KCNB2: variants seen among roughly 807,000 people sequenced by gnomAD.
KCNB2 encodes delayed rectifier potassium channel protein.
In KCNB2, 15 loss-of-function variants were observed where a neutral mutation model predicts 61.5. That is an observed-to-expected ratio of 0.24 (90% CI 0.16 to 0.38). The LOEUF is 0.38. Ranked by LOEUF, KCNB2 falls within the 10% of genes least tolerant of loss-of-function variation. KCNB2 has a pLI of 1.00. For missense variants in KCNB2, 828 were observed against 1,125.2 expected (o/e 0.74, Z 3.78); for synonymous variants, 457 against 446.0 (o/e 1.02, Z -0.31).
At chr8:72,852,094 A>C (rs1210137810) in intron 2 of KCNB2, among the ~76,000 whole-genome samples, 4 of 151,810 alleles carry the variant, frequency 2.6e-5, no homozygotes, top group Admixed American at 2.6e-4. Flanking sequence ...AATAAAAAAT[A>C]AAAAATTCAG....
intron 2 of KCNB2, among the ~76,000 whole-genome samples, chr8:72,730,110 C>T (rs985864582): frequency 4.6e-5 from 7 of 152,002 alleles, no homozygotes; most frequent in Admixed American, 4.6e-4. Flanking sequence ...CATAGGAAGC[C>T]CCCAATTCTG....
chr8:72,718,750 A>T (rs572756249), intron 2 of KCNB2, among the ~76,000 whole-genome samples: 1 of 152,064 alleles, frequency 6.6e-6, no homozygotes, highest in East Asian at 1.9e-4. Flanking sequence ...CCAACATGGC[A>T]CATATATACA....
At chr8:72,786,228 A>G (rs1372725009) in intron 2 of KCNB2, among the ~76,000 whole-genome samples, 1 of 152,082 alleles carries the variant, frequency 6.6e-6, no homozygotes, top group Non-Finnish European at 1.5e-5. Flanking sequence ...ATGTGCACTC[A>G]TTTCTGATGA....
chr8:72,611,312 A>G (rs1254138403), intron 2 of KCNB2, among the ~76,000 whole-genome samples: 1 of 152,200 alleles, frequency 6.6e-6, no homozygotes, highest in Admixed American at 6.6e-5. Flanking sequence ...AGTCTTTTGT[A>G]ATAAAAATTA....
At chr8:72,557,886 T>C (rs1482738543) in intron 1 of KCNB2, among the ~76,000 whole-genome samples, 1 of 152,212 alleles carries the variant, frequency 6.6e-6, no homozygotes, top group African/African-American at 2.4e-5. Context: ...ATCCAGCTCT[T>C]ACTTTTAACA....
intron 2 of KCNB2, among the ~76,000 whole-genome samples, chr8:72,709,691 C>T (rs73309817): frequency 0.024 from 3,717 of 152,116 alleles, 64 homozygotes; most frequent in South Asian, 0.075. Flanking sequence ...CCCCGCTGAT[C>T]CAGTCACCTC....
chr8:72,747,499 G>A (rs997417848), intron 2 of KCNB2, among the ~76,000 whole-genome samples: 1 of 152,088 alleles, frequency 6.6e-6, no homozygotes, highest in Non-Finnish European at 1.5e-5. Flanking sequence ...GTCCTTCCAG[G>A]TCAGCAAGGT....
chr8:72,896,679 T>C (rs1336133320), intron 2 of KCNB2, among the ~76,000 whole-genome samples: 2 of 152,118 alleles, frequency 1.3e-5, no homozygotes, highest in Non-Finnish European at 2.9e-5. Flanking sequence ...ATCCAGAAGA[T>C]ATTTCAAAAA....
intron 2 of KCNB2, among the ~76,000 whole-genome samples, chr8:72,918,856 T>C (rs1378758495): frequency 6.6e-6 from 1 of 152,106 alleles, no homozygotes; most frequent in Non-Finnish European, 1.5e-5. Flanking sequence ...CTCTGCCTGT[T>C]TTAGGAGGTC....
At chr8:72,719,498 A>G (rs1807510749) in intron 2 of KCNB2, among the ~76,000 whole-genome samples, 1 of 152,128 alleles carries the variant, frequency 6.6e-6, no homozygotes, top group African/African-American at 2.4e-5. Flanking sequence ...AGATTTCTTT[A>G]GCAATTAGGC....
intron 2 of KCNB2, among the ~76,000 whole-genome samples, chr8:72,680,527 G>T (rs1563557598): frequency 6.6e-6 from 1 of 152,152 alleles, no homozygotes; most frequent in Non-Finnish European, 1.5e-5. Flanking sequence ...TATATGGGCT[G>T]CTGTGGCATG....
intron 2 of KCNB2, among the ~76,000 whole-genome samples, chr8:72,596,743 G>A (rs1807197679): frequency 6.6e-6 from 1 of 152,100 alleles, no homozygotes; most frequent in Admixed American, 6.5e-5. Context: ...ACAACACAAA[G>A]TATTACATCT....
chr8:72,729,437 G>C (rs1025800), intron 2 of KCNB2, among the ~76,000 whole-genome samples: 101,788 of 152,088 alleles, frequency 0.67, 34,769 homozygotes, highest in African/African-American at 0.79. Flanking sequence ...TTCTCAGAAA[G>C]AGAAATCTGC....
At position 72,777,409 on chromosome 8, in the gene KCNB2, G is replaced by A. The variant is rs530674178; in HGVS notation, c.580-158526G>A. Among the ~76,000 whole-genome samples the A allele has an allele frequency of 9.9e-5, 15 of 152,270 alleles. No homozygotes were observed. The East Asian group carries it at 1.9e-3, about 20-fold the overall frequency. Reference sequence around the variant, plus strand: ...CCAATTTAGAAATGATAGAGACTGTGAGAGGACTGAATAGTGTCTCAGCAG... The same window carrying A: ...CCAATTTAGAAATGATAGAGACTGTAAGAGGACTGAATAGTGTCTCAGCAG... On this transcript the variant is annotated intron_variant, in intron 2 of 2. Coordinates refer to ENST00000523207, the MANE Select transcript of KCNB2 (RefSeq NM_004770.3).
chr8:72,894,546 A>G (rs1422839695), intron 2 of KCNB2, among the ~76,000 whole-genome samples: 1 of 152,210 alleles, frequency 6.6e-6, no homozygotes, highest in African/African-American at 2.4e-5. Flanking sequence ...ATTACATTAG[A>G]TTGCATGACA....
At chr8:72,808,301 T>A (rs1809255642) in intron 2 of KCNB2, among the ~76,000 whole-genome samples, 1 of 152,214 alleles carries the variant, frequency 6.6e-6, no homozygotes, top group Non-Finnish European at 1.5e-5. Flanking sequence ...AATAATCTCA[T>A]AATATTTTTT....
chr8:72,750,239 T>A (rs1249313395), intron 2 of KCNB2: 3 of 152,186 alleles, frequency 2.0e-5, no homozygotes, highest in South Asian at 2.1e-4. Context: ...TTTTTTCCTA[T>A]TGTACAGCAT....
intron 2 of KCNB2, among the ~76,000 whole-genome samples, chr8:72,830,881 T>C (rs993279860): frequency 2.6e-5 from 4 of 152,236 alleles, no homozygotes; most frequent in Admixed American, 2.0e-4. Flanking sequence ...TTAATCTTCA[T>C]TTGGAATGAG....
intron 2 of KCNB2, among the ~76,000 whole-genome samples, chr8:72,906,930 A>C (rs959236939): frequency 1.2e-4 from 18 of 152,228 alleles, no homozygotes; most frequent in African/African-American, 4.3e-4. Flanking sequence ...TAGCAGAGAA[A>C]TAAATCAATG....
Sources: gnomAD v4.1 joint callset for allele counts (sites outside exome capture counted in the v4.1 genomes callset) on GRCh38, gnomAD v4.1.1 for gene constraint, MANE v1.5 for transcripts, NCBI Gene and HGNC (gene_info 2026-07-23, HGNC 2026-07-21) for gene names.